The following DLEU7 variants were observed in gnomAD, a reference collection of about 807,000 sequenced individuals.
The protein encoded by DLEU7 is deleted in lymphocytic leukemia 7.
Under a neutral mutation model 16.0 loss-of-function variants are expected in DLEU7, and 17 were observed. The ratio of observed to expected loss-of-function variants is 1.06; its 90% CI spans 0.73 to 1.59. The LOEUF is 1.59. Ranked by LOEUF, DLEU7 falls within the 40% of genes most tolerant of loss-of-function variation. DLEU7 has a pLI of 0.00. For synonymous variants in DLEU7, 113 were observed against 139.8 expected, an observed-to-expected ratio of 0.81 and a Z score of 1.35; for missense variants, 308 against 314.9, an observed-to-expected ratio of 0.98 and a Z score of 0.17.
chr13:50,813,555 A>C (rs1253639896), intron 1 of DLEU7, among the ~76,000 whole-genome samples: 3 of 152,148 alleles, frequency 2.0e-5, no homozygotes, highest in Non-Finnish European at 4.4e-5. Context: ...ATTATTATCT[A>C]CTTTAAAAAT....
At chr13:50,756,121 G>T (rs375276308) in intron 1 of DLEU7, among the ~76,000 whole-genome samples, 1 of 152,176 alleles carries the variant, frequency 6.6e-6, no homozygotes, top group African/African-American at 2.4e-5. Context: ...GAGGTTGCAG[G>T]GGGGTGAAAT....
chr13:50,821,328 G>T (rs779243579), downstream of DLEU7, among the ~76,000 whole-genome samples: 10 of 152,014 alleles, frequency 6.6e-5, no homozygotes, highest in South Asian at 2.1e-4. Context: ...GTTAGCATGG[G>T]GTGGGGGAGG....
chr13:50,743,079 T>A (rs1206475971), intron 1 of DLEU7, among the ~76,000 whole-genome samples: 1 of 152,108 alleles, frequency 6.6e-6, no homozygotes, highest in Non-Finnish European at 1.5e-5. Context: ...TAGTGAATAA[T>A]TCTTTCTTCC....
intron 1 of DLEU7, among the ~76,000 whole-genome samples, chr13:50,754,573 T>A (rs1874694337): frequency 6.6e-6 from 1 of 152,226 alleles, no homozygotes; most frequent in Non-Finnish European, 1.5e-5. Flanking sequence ...CCTTATGTGT[T>A]AGGTGAGTCT....
chr13:50,785,906 C>T (rs533441341), intron 1 of DLEU7, among the ~76,000 whole-genome samples: 8 of 152,146 alleles, frequency 5.3e-5, no homozygotes, highest in Non-Finnish European at 8.8e-5. Flanking sequence ...AAGGCAGCAA[C>T]GCCTTTAAAA....
intron 1 of DLEU7, chr13:50,807,739 G>A (rs1876437142): frequency 6.6e-6 from 1 of 152,050 alleles, no homozygotes; most frequent in African/African-American, 2.4e-5. Context: ...GCAACTTACT[G>A]TTCTCCCCTT....
intron 1 of DLEU7, among the ~76,000 whole-genome samples, chr13:50,776,417 C>A (rs896764764): frequency 6.6e-6 from 1 of 152,338 alleles, no homozygotes; most frequent in South Asian, 2.1e-4. Context: ...TTTGTGAGCT[C>A]TTTTCCAACC....
chr13:50,822,673 C>T (rs929227012), downstream of DLEU7: 8 of 985,138 alleles, frequency 8.1e-6, no homozygotes, highest in African/African-American at 1.4e-4. Flanking sequence ...ATTTACATAT[C>T]ATACATGATT....
intron 1 of DLEU7, among the ~76,000 whole-genome samples, chr13:50,836,432 T>TTC (rs756517884): frequency 3.9e-5 from 6 of 152,054 alleles, no homozygotes; most frequent in Non-Finnish European, 8.8e-5. Flanking sequence ...CCCAGCACTT[T>TTC]GGGAGGCTGA....
intron 1 of DLEU7, among the ~76,000 whole-genome samples, chr13:50,747,800 T>C (rs1346617283): frequency 1.3e-5 from 2 of 152,204 alleles, no homozygotes; most frequent in Non-Finnish European, 2.9e-5. Context: ...GCGGGGAGGC[T>C]AACAAACAAC....
At chr13:50,736,661 A>G (rs35854781) in intron 1 of DLEU7, among the ~76,000 whole-genome samples, 2 of 152,198 alleles carry the variant, frequency 1.3e-5, no homozygotes, top group African/African-American at 4.8e-5. Flanking sequence ...AAAGAAAAAC[A>G]CAATAATTTC....
At chr13:50,732,312 A>T (rs1034314898) in intron 1 of DLEU7, among the ~76,000 whole-genome samples, 2 of 152,226 alleles carry the variant, frequency 1.3e-5, no homozygotes, top group Admixed American at 6.5e-5. Flanking sequence ...TTGCTTTTTA[A>T]AAAAAGCTCA....
chr13:50,829,117 A>G (rs929107350), intron 1 of DLEU7, among the ~76,000 whole-genome samples: 3 of 152,194 alleles, frequency 2.0e-5, no homozygotes, highest in South Asian at 2.1e-4. Flanking sequence ...CAGTAGTGTT[A>G]GTGTATTTTA....
At chr13:50,812,454 A>G (rs555224278) in intron 1 of DLEU7, among the ~76,000 whole-genome samples, 2 of 152,278 alleles carry the variant, frequency 1.3e-5, no homozygotes, top group East Asian at 3.9e-4. Context: ...CATGTGGTTA[A>G]CATTTTCAAA....
At chr13:50,738,987 A>G (rs938316174) in intron 1 of DLEU7, among the ~76,000 whole-genome samples, 1 of 105,696 alleles carries the variant, frequency 9.5e-6, no homozygotes, top group African/African-American at 5.8e-5. Flanking sequence ...ACACACACAC[A>G]CACACACACA....
In DLEU7 at chr13:50,728,249, A is replaced by T. The variant is rs1015268340; in HGVS notation, c.460-15009T>A. Among the ~76,000 whole-genome samples the T allele has an allele frequency of 2.6e-5, 4 of 152,170 alleles. No individual in the cohort carries two copies. The East Asian group carries it at 7.7e-4, about 29-fold the overall frequency. On this transcript the variant is annotated intron_variant, in intron 1 of 1. Transcript: ENST00000400393. Reference sequence around the variant, plus strand: ...TGTCTGCAGCTTTTTCCAATTACAGATAAGAAACTAGTTGTTTTAAAGACA... The same window carrying T: ...TGTCTGCAGCTTTTTCCAATTACAGTTAAGAAACTAGTTGTTTTAAAGACA...
Position 50,787,226 on chromosome 13 carries a change from T to C in DLEU7, c.459+55962A>G, listed in dbSNP as rs572812514. Among the ~76,000 whole-genome samples the C allele has an allele frequency of 5.9e-5, 9 of 152,292 alleles. No individual in the cohort carries two copies. The South Asian group carries it at 1.7e-3, about 28-fold the overall frequency. The stretch of plus-strand genomic sequence containing the variant: ...CTGTACTGACTATGAGTTTTCCTGG[T>C]GAGGTCAGGCCTGCTTAATAATGCC... On this transcript the variant is annotated intron_variant, in intron 1 of 1. Coordinates refer to the DLEU7 transcript ENST00000400393.
chr13:50,743,864 GAAAGTTA>G (rs1180832929), intron 1 of DLEU7, among the ~76,000 whole-genome samples: 2 of 152,200 alleles, frequency 1.3e-5, no homozygotes, highest in African/African-American at 4.8e-5. Context: ...TCTAAGGATA[GAAAGTTA>G]AAAGTGCTTT....
intron 1 of DLEU7, among the ~76,000 whole-genome samples, chr13:50,798,934 T>C (rs1876173976): frequency 6.6e-6 from 1 of 152,186 alleles, no homozygotes; most frequent in Admixed American, 6.5e-5. Flanking sequence ...TGTCCAGGGC[T>C]TCTTGCTTCT....
Sources: allele counts gnomAD v4.1 joint callset (sites outside exome capture counted in the v4.1 genomes callset), GRCh38; gene constraint gnomAD v4.1.1; transcripts MANE v1.5; gene names NCBI Gene and HGNC (gene_info 2026-07-23, HGNC 2026-07-21).